DNAH14: variants seen among roughly 807,000 people sequenced by gnomAD.
DNAH14 encodes dynein axonemal heavy chain 14.
A neutral mutation model predicts 520.9 loss-of-function variants in DNAH14; 478 were observed. The ratio of observed to expected loss-of-function variants is 0.92; its 90% CI spans 0.85 to 0.99. The LOEUF is 0.99. Among genes scored for constraint, DNAH14 ranks in the 50% least tolerant of loss-of-function variants. The pLI is 0.00. For missense variants in DNAH14, 4,831 were observed against 5,234.5 expected (o/e 0.92, Z 2.38); for synonymous variants, 1,581 against 1,757.2 (o/e 0.90, Z 2.51).
intron 16 of DNAH14, among the ~76,000 whole-genome samples, chr1:225,050,918 G>A (rs1351430202): frequency 6.6e-6 from 1 of 152,110 alleles, no homozygotes; most frequent in East Asian, 1.9e-4. Flanking sequence ...TTGTGATAAG[G>A]GATGCACAAC....
intron 54 of DNAH14, among the ~76,000 whole-genome samples, chr1:225,279,729 A>G (rs768409234): frequency 6.6e-6 from 1 of 152,070 alleles, no homozygotes; most frequent in Non-Finnish European, 1.5e-5. Flanking sequence ...CTGTCACATA[A>G]ATGTTCAGTT....
In DNAH14 at chr1:225,252,435, A is replaced by T. The variant is rs1231320671; in HGVS notation, c.6865+18A>T. 1.5e-6 allele frequency: 2 copies of T among 1,323,086 alleles called. No individual in the cohort carries two copies. Among genetic ancestry groups the T allele is most frequent in the Non-Finnish European group, 2.1e-6 (2 of 942,808 alleles). 82.0% of individuals were successfully genotyped at this position (1,323,086 alleles called of 1,614,324 possible). A position where few individuals can be genotyped will look rare whatever the true frequency, so the allele number is the denominator to read the frequency against. The stretch of plus-strand genomic sequence containing the variant: ...TCAAAGAGGTAAGAATAATTATAAG[A>T]ATCATACTTGTAACGTTAGAATATT... On this transcript the variant is annotated intron_variant, in intron 44 of 85. Coordinates refer to ENST00000682510, the MANE Select transcript of DNAH14 (RefSeq NM_001367479.1).
At chr1:225,200,957 A>G (rs1354881426) in intron 38 of DNAH14, among the ~76,000 whole-genome samples, 1 of 151,842 alleles carries the variant, frequency 6.6e-6, no homozygotes, top group East Asian at 1.9e-4. Flanking sequence ...TGTTATCCAA[A>G]CTTTTAGATT....
rs1028750128 is a variant in DNAH14, at chr1:225,230,990, T to C, written c.6440-83T>C. ...CTATGATAATTCACTAACTAAACAA[T>C]GTTAAAGGTTAAACCTCATTAGTTT... On this transcript the variant is annotated intron_variant, in intron 41 of 85. Coordinates refer to ENST00000682510, the MANE Select transcript of DNAH14 (RefSeq NM_001367479.1). 5 of 850,446 alleles carry C rather than the reference T, an allele frequency of 5.9e-6. No homozygotes were observed. The African/African-American group carries it at 7.0e-5, about 12-fold the overall frequency. The allele number at this position is 850,446 out of a possible 1,614,324, so 52.7% of individuals were successfully genotyped here.
Position 225,388,472 on chromosome 1 carries a change from T to C in DNAH14, c.13171T>C (p.Tyr4391His), listed in dbSNP as rs1302049996. The change falls in exon 82 of 86, where the codon TAT (tyrosine) becomes CAT (histidine). Residue 4391 changes from tyrosine to histidine, a missense_variant. Physicochemically the swap from Tyr to His is moderately conservative, Grantham distance 83. Coordinates refer to ENST00000682510, the MANE Select transcript of DNAH14 (RefSeq NM_001367479.1). ...CTTCAATACTTGGGCCAAAGTGGCT[T>C]ATACTGCAATACAGCGTCGGTATGG... ...NFFNTWAKVA[Y>H]TAIQRRYMRF... 2 of 1,523,934 alleles carry C rather than the reference T, an allele frequency of 1.3e-6. No homozygotes were observed. The highest frequency in any genetic ancestry group is 8.9e-7 in the Non-Finnish European group (1 of 1,124,506). The allele number at this position is 1,523,934 out of a possible 1,614,324, so 94.4% of individuals were successfully genotyped here.
rs1315800075 is a variant in DNAH14 at position 225,289,954 on chromosome 1, T to G, written c.8341T>G (p.Tyr2781Asp). Residue 2781 changes from tyrosine (Y) to aspartate (D), a missense_variant, in exon 55 of 86, where the codon TAC becomes GAC. By Grantham distance (160) the Tyr-to-Asp change is radical. Coordinates refer to ENST00000682510, the MANE Select transcript of DNAH14 (RefSeq NM_001367479.1). ...LACYLTDNKL[Y>D]RVPISHKCAY... ...CTGTTATTTGACAGATAATAAACTA[T>G]ACCGAGTGCCTATATCTCACAAATG... 5.2e-6 allele frequency: 8 copies of G among 1,538,946 alleles called. No homozygotes were observed. Among genetic ancestry groups the G allele is most frequent in the Non-Finnish European group, 7.0e-6 (8 of 1,140,502 alleles).
Position 225,169,308 on chromosome 1 carries a change from CGAGTT to C in DNAH14, c.5535+1284_5535+1288del, listed in dbSNP as rs538207414. On this transcript the variant is annotated intron_variant, in intron 36 of 85. Coordinates refer to ENST00000682510, the MANE Select transcript of DNAH14 (RefSeq NM_001367479.1). ...AAAGCTGGACAGAGAATGACTTTGACGAGTTGAGAGAAGAAGACTTCAGATGATCA... is the reference window on the plus strand; with the variant it reads ...AAAGCTGGACAGAGAATGACTTTGACGAGAGAAGAAGACTTCAGATGATCA... Among the ~76,000 whole-genome samples the C allele has an allele frequency of 2.2e-3, 336 of 152,264 alleles. 1 individual carries two copies. The highest frequency in any genetic ancestry group is 4.9e-3 in the Admixed American group (75 of 15,296).
At chr1:225,071,218 T>C (rs968946972) in intron 17 of DNAH14, among the ~76,000 whole-genome samples, 5 of 152,202 alleles carry the variant, frequency 3.3e-5, no homozygotes, top group Non-Finnish European at 5.9e-5. Flanking sequence ...TTTGAACCTA[T>C]CATCATGATG....
At chr1:225,049,811 A>ATCTATCTATCT (rs770320266) in intron 15 of DNAH14, among the ~76,000 whole-genome samples, 10 of 126,732 alleles carry the variant, frequency 7.9e-5, no homozygotes, top group South Asian at 2.5e-4. Flanking sequence ...TCTATCTATC[A>ATCTATCTATCT]ATCATCTATC....
At position 225,269,594 on chromosome 1, in the gene DNAH14, A is replaced by G. The variant is rs189253877; in HGVS notation, c.7540-1141A>G. ...CAATCTGCCCATCTGACAAAGGGCT[A>G]ATATCCAGAATCTACAAAGAACTCA... On this transcript the variant is annotated intron_variant, in intron 49 of 85. Transcript: ENST00000682510. Among the ~76,000 whole-genome samples, 206 of 152,358 alleles carry G rather than the reference A, an allele frequency of 1.4e-3. 1 individual carries two copies. The highest frequency in any genetic ancestry group is 1.9e-3 in the Non-Finnish European group (132 of 68,032).
At chr1:225,326,015 A>G in intron 64 of DNAH14, among the ~76,000 whole-genome samples, 1 of 152,204 alleles carries the variant, frequency 6.6e-6, no homozygotes, top group East Asian at 1.9e-4. Flanking sequence ...CTTTATATAG[A>G]TATATCATTT....
At chr1:225,331,201 A>T (rs565373528) in intron 64 of DNAH14, among the ~76,000 whole-genome samples, 5 of 126,480 alleles carry the variant, frequency 4.0e-5, no homozygotes, top group South Asian at 2.4e-4. Flanking sequence ...CTAGGATTGT[A>T]AAAAAAAAGC....
intron 44 of DNAH14, among the ~76,000 whole-genome samples, chr1:225,254,952 G>A (rs1452843356): frequency 2.0e-5 from 3 of 152,160 alleles, no homozygotes; most frequent in Admixed American, 1.3e-4. Flanking sequence ...ACTGTGTTTA[G>A]ACAAGATCTT....
intron 22 of DNAH14, 45 bp downstream of exon 22, chr1:225,097,284 T>C (rs2148702001): frequency 6.8e-7 from 1 of 1,472,380 alleles, no homozygotes; most frequent in East Asian, 2.5e-5. Flanking sequence ...AAATGCATTG[T>C]GAGTAATTTA....
intron 43 of DNAH14, among the ~76,000 whole-genome samples, chr1:225,246,009 C>T (rs2092259907): frequency 6.7e-6 from 1 of 149,700 alleles, no homozygotes; most frequent in Admixed American, 6.8e-5. Context: ...CAGCATGATA[C>T]TGGTACCAAA....
intron 43 of DNAH14, chr1:225,250,540 G>C (rs957002348): frequency 2.3e-6 from 1 of 426,728 alleles, no homozygotes; most frequent in Non-Finnish European, 4.3e-6. Context: ...ATTCCCTTGG[G>C]TGAGGTATGG....
intron 1 of DNAH14, among the ~76,000 whole-genome samples, chr1:224,952,365 C>A (rs1467167340): frequency 1.3e-5 from 2 of 152,100 alleles, no homozygotes; most frequent in Non-Finnish European, 2.9e-5. Flanking sequence ...AATCTTAAAA[C>A]TTATCATTAT....
At chr1:225,269,807 A>G (rs1255490796) in intron 49 of DNAH14, among the ~76,000 whole-genome samples, 12 of 152,198 alleles carry the variant, frequency 7.9e-5, no homozygotes, top group Admixed American at 7.9e-4. Context: ...GGCGATCATT[A>G]AAAAGTCAGG....
intron 49 of DNAH14, among the ~76,000 whole-genome samples, chr1:225,267,060 T>C (rs901266719): frequency 6.6e-6 from 1 of 152,148 alleles, no homozygotes; most frequent in Non-Finnish European, 1.5e-5. Context: ...GTTAACTGCA[T>C]CAGTAGTTAA....
Sources: gnomAD v4.1 joint callset for allele counts (sites outside exome capture counted in the v4.1 genomes callset) on GRCh38, gnomAD v4.1.1 for gene constraint, MANE v1.5 for transcripts, NCBI Gene and HGNC (gene_info 2026-07-23, HGNC 2026-07-21) for gene names.